SPIDR: variants seen among roughly 807,000 people sequenced by gnomAD.
SPIDR encodes DNA repair-scaffolding protein.
SPIDR carries 93 observed loss-of-function variants against 104.6 expected under a neutral mutation model. The ratio of observed to expected loss-of-function variants is 0.89; its 90% CI spans 0.75 to 1.06. The LOEUF (loss-of-function observed/expected upper bound fraction) is 1.06, where lower values mean the gene tolerates loss of function less well. Among genes scored for constraint, SPIDR ranks in the 50% least tolerant of loss-of-function variants. The probability of loss-of-function intolerance (pLI) is 0.00; values close to 1 mark genes in which losing one functional copy is unlikely to be tolerated. For synonymous variants in SPIDR, 431 were observed against 416.9 expected, an observed-to-expected ratio of 1.03 and a Z score of -0.41; for missense variants, 1,154 against 1,111.2, an observed-to-expected ratio of 1.04 and a Z score of -0.55.
chr8:47,700,567 C>A lies in SPIDR; in HGVS notation c.1773+77C>A, dbSNP rs543402135. The A allele has an allele frequency of 4.5e-5, 64 of 1,420,056 alleles. No individual in the cohort carries two copies. In the South Asian group the frequency reaches 7.0e-4, roughly 16 times the overall value. 88.0% of individuals were successfully genotyped at this position (1,420,056 alleles called of 1,614,324 possible). A position where few individuals can be genotyped will look rare whatever the true frequency, so the allele number is the denominator to read the frequency against. ...GTGCCAAGCCAGGCGTCATCACTGT[C>A]ACTCACATGGTCTGTGTCCCCTGCT... is the stretch of plus-strand genomic sequence containing the variant. On this transcript the variant is annotated intron_variant, in intron 12 of 19. Coordinates refer to ENST00000297423, the MANE Select transcript of SPIDR (RefSeq NM_001080394.4).
chr8:47,293,933 T>C lies in SPIDR; in HGVS notation c.428T>C (p.Phe143Ser). The change falls in exon 5 of 20, where the codon TTT becomes TCT. Residue 143 changes from phenylalanine (F) to serine (S), a missense_variant. Physicochemically the swap from Phe to Ser is radical, Grantham distance 155. Transcript: ENST00000297423. ...DRAEASDCDE[F>S]EDDEGAVEIS... ...GCAGAGGCTAGTGACTGTGATGAATTTGAAGATGACGAGGGTGCTGTGGAA... is the reference window on the plus strand; with the variant it reads ...GCAGAGGCTAGTGACTGTGATGAATCTGAAGATGACGAGGGTGCTGTGGAA... 6.2e-7 allele frequency: 1 copy of C among 1,614,114 alleles called. No individual in the cohort carries two copies.
intron 10 of SPIDR, chr8:47,659,541 T>G (rs1040217707): frequency 6.3e-6 from 1 of 159,698 alleles, no homozygotes; most frequent in Non-Finnish European, 1.3e-5. Context: ...AATGTCCTGC[T>G]GTCTCTGGTT....
intron 1 of SPIDR, among the ~76,000 whole-genome samples, chr8:47,267,387 A>T (rs2154211817): frequency 6.6e-6 from 1 of 152,308 alleles, no homozygotes; most frequent in South Asian, 2.1e-4. Flanking sequence ...TAGCAGTGGA[A>T]TTTTTGGGTC....
intron 10 of SPIDR, among the ~76,000 whole-genome samples, chr8:47,626,513 A>G (rs2066142501): frequency 6.6e-6 from 1 of 152,238 alleles, no homozygotes; most frequent in African/African-American, 2.4e-5. Context: ...AATATCCAGA[A>G]TCTACAATGA....
chr8:47,471,081 A>G (rs1257101182), intron 8 of SPIDR, among the ~76,000 whole-genome samples: 2 of 152,220 alleles, frequency 1.3e-5, no homozygotes, highest in Non-Finnish European at 2.9e-5. Context: ...AGATGAAAAT[A>G]TAGGGGAATG....
chr8:47,677,787 A>G (rs891060503), intron 11 of SPIDR, among the ~76,000 whole-genome samples: 1 of 152,206 alleles, frequency 6.6e-6, no homozygotes, highest in African/African-American at 2.4e-5. Flanking sequence ...AGTGAGAACA[A>G]ATGCTTTAAA....
intron 10 of SPIDR, among the ~76,000 whole-genome samples, chr8:47,627,307 G>C (rs1375323523): frequency 6.6e-6 from 1 of 152,024 alleles, no homozygotes. Context: ...GTTAATGGGT[G>C]CAGCACAGCA....
chr8:47,319,552 C>G (rs978267862), intron 5 of SPIDR, among the ~76,000 whole-genome samples: 14 of 152,154 alleles, frequency 9.2e-5, no homozygotes, highest in Non-Finnish European at 1.6e-4. Context: ...AGAAAGTTAA[C>G]AAGGATATCC....
At chr8:47,486,296 T>A (rs2077605819) in intron 8 of SPIDR, among the ~76,000 whole-genome samples, 1 of 151,620 alleles carries the variant, frequency 6.6e-6, no homozygotes, top group Non-Finnish European at 1.5e-5. Context: ...CAAAAGAAGT[T>A]TAGAGAAAAA....
At chr8:47,350,400 A>C (rs191873829) in intron 5 of SPIDR, among the ~76,000 whole-genome samples, 1 of 151,926 alleles carries the variant, frequency 6.6e-6, no homozygotes, top group African/African-American at 2.4e-5. Flanking sequence ...TGCAACCTCT[A>C]CCTCCTGGGT....
intron 10 of SPIDR, among the ~76,000 whole-genome samples, chr8:47,637,598 A>T (rs1416362045): frequency 6.6e-6 from 1 of 152,132 alleles, no homozygotes; most frequent in Non-Finnish European, 1.5e-5. Flanking sequence ...CTTAACTGGA[A>T]TTTGTCTGAT....
chr8:47,440,587 G>T (rs782081225), intron 8 of SPIDR, 45 bp downstream of exon 8: 76 of 1,553,834 alleles, frequency 4.9e-5, no homozygotes, highest in Middle Eastern at 2.0e-4. Context: ...CTGTGAGTCA[G>T]CCTCGTAAGA....
chr8:47,306,605 G>C (rs1483012381), intron 5 of SPIDR, among the ~76,000 whole-genome samples: 1 of 152,150 alleles, frequency 6.6e-6, no homozygotes, highest in African/African-American at 2.4e-5. Flanking sequence ...GTATATGTCT[G>C]TCAGATCTAG....
At chr8:47,511,119 A>G (rs2082251567) in intron 8 of SPIDR, 11 of 1,506,234 alleles carry the variant, frequency 7.3e-6, no homozygotes, top group East Asian at 2.3e-5. Flanking sequence ...TGTTTGGGAA[A>G]GTAGTCATGA....
rs182585993 is a variant in SPIDR at position 47,479,576 on chromosome 8, G to A, written c.1097+39034G>A. Among the ~76,000 whole-genome samples the A allele has an allele frequency of 4.5e-4, 69 of 152,262 alleles. 2 individuals carry two copies. Among genetic ancestry groups the A allele is most frequent in the Admixed American group, 6.5e-4 (10 of 15,296 alleles). On this transcript the variant is annotated intron_variant, in intron 8 of 19. Coordinates refer to ENST00000297423, the MANE Select transcript of SPIDR (RefSeq NM_001080394.4). ...CTCCCCAAGTAAAGTGGGGCAGTAG[G>A]GGGGAATGCAGGGAGAGCTGCACCT... is the stretch of plus-strand genomic sequence containing the variant.
chr8:47,291,697 T>C (rs1232214065), intron 4 of SPIDR, among the ~76,000 whole-genome samples: 1 of 152,204 alleles, frequency 6.6e-6, no homozygotes, highest in Non-Finnish European at 1.5e-5. Flanking sequence ...TGAGAATGGA[T>C]TGGGATTCCA....
chr8:47,695,445 C>T (rs1018637795), intron 11 of SPIDR, among the ~76,000 whole-genome samples: 8 of 152,160 alleles, frequency 5.3e-5, no homozygotes, highest in African/African-American at 1.9e-4. Context: ...TCCTTGTTAT[C>T]TTCCCGTTTT....
intron 7 of SPIDR, among the ~76,000 whole-genome samples, chr8:47,426,762 A>C (rs554223982): frequency 1.3e-5 from 2 of 152,162 alleles, no homozygotes; most frequent in Non-Finnish European, 2.9e-5. Context: ...AGGTGGTAGA[A>C]CTCATCCTTT....
intron 6 of SPIDR, among the ~76,000 whole-genome samples, chr8:47,406,902 A>G (rs782279357): frequency 1.3e-5 from 2 of 152,220 alleles, no homozygotes; most frequent in South Asian, 2.1e-4. Context: ...TCAAAGGGAT[A>G]TTATTTGAAT....
Sources: allele counts gnomAD v4.1 joint callset (sites outside exome capture counted in the v4.1 genomes callset), GRCh38; gene constraint gnomAD v4.1.1; transcripts MANE v1.5; gene names NCBI Gene and HGNC (gene_info 2026-07-23, HGNC 2026-07-21).